The following USP14 variants were observed in gnomAD, a reference collection of about 807,000 sequenced individuals.
USP14 encodes the protein ubiquitin specific peptidase 14.
In USP14, 38 loss-of-function variants were observed where a neutral mutation model predicts 76.5. The observed-to-expected ratio is 0.50, with a 90% confidence interval of 0.38 to 0.65. The LOEUF is 0.65. USP14 is among the 30% of genes least tolerant of loss of function. USP14 has a pLI of 0.00. For synonymous variants in USP14, 192 were observed against 191.7 expected, an observed-to-expected ratio of 1.00 and a Z score of -0.01; for missense variants, 467 against 586.5, an observed-to-expected ratio of 0.80 and a Z score of 2.10.
chr18:207,218 G>C (rs374205732), intron 13 of USP14, among the ~76,000 whole-genome samples: 5 of 144,562 alleles, frequency 3.5e-5, no homozygotes, highest in African/African-American at 1.2e-4. Flanking sequence ...GATTACTGTA[G>C]TTTTCTAATA....
intron 6 of USP14, among the ~76,000 whole-genome samples, chr18:193,399 AC>A (rs1910145228): frequency 1.3e-5 from 2 of 152,204 alleles, no homozygotes; most frequent in South Asian, 4.1e-4. Flanking sequence ...ATAGGGTTTT[AC>A]AGCCATGCCT....
At chr18:170,023 T>G (rs1909398616) in intron 3 of USP14, among the ~76,000 whole-genome samples, 1 of 152,044 alleles carries the variant, frequency 6.6e-6, no homozygotes, top group South Asian at 2.1e-4. Flanking sequence ...CCCTACAGGC[T>G]GAGCGCGGTG....
chr18:199,973 C>T (rs542094163), intron 10 of USP14, among the ~76,000 whole-genome samples: 1 of 152,304 alleles, frequency 6.6e-6, no homozygotes, highest in South Asian at 2.1e-4. Flanking sequence ...CAAACTTCAA[C>T]TAGCTCTTCA....
At chr18:202,365 G>A (rs2143082824) in intron 10 of USP14, among the ~76,000 whole-genome samples, 1 of 152,328 alleles carries the variant, frequency 6.6e-6, no homozygotes, top group East Asian at 1.9e-4. Flanking sequence ...TGCTGGTTAA[G>A]ATATGTGCAG....
At chr18:168,907 T>A (rs1336003375) in intron 3 of USP14, among the ~76,000 whole-genome samples, 2 of 147,000 alleles carry the variant, frequency 1.4e-5, no homozygotes, top group Non-Finnish European at 3.0e-5. Context: ...CCGTCTCTAC[T>A]AAAAAAAAAA....
chr18:169,000 C>T (rs1454665790), intron 3 of USP14, among the ~76,000 whole-genome samples: 2 of 151,934 alleles, frequency 1.3e-5, no homozygotes. Context: ...TGGCATGAGC[C>T]TGGGAGGCAG....
rs1446916165 is a variant in USP14 at position 171,526 on chromosome 18, C to A, written c.195+4707C>A. Reference sequence around the variant, plus strand: ...ATTTTAAGGCCACCATTGAGACTTCCTGCTCAGAAAGATTCCTTTCAAAAT... The same window carrying A: ...ATTTTAAGGCCACCATTGAGACTTCATGCTCAGAAAGATTCCTTTCAAAAT... On this transcript the variant is annotated intron_variant, in intron 3 of 15. Transcript: ENST00000261601. Among the ~76,000 whole-genome samples, 6 of 152,300 alleles carry A rather than the reference C, an allele frequency of 3.9e-5. No individual in the cohort carries two copies. In the East Asian group the frequency reaches 1.2e-3, roughly 29 times the overall value.
At chr18:202,223 A>G (rs1910402392) in intron 10 of USP14, among the ~76,000 whole-genome samples, 1 of 152,236 alleles carries the variant, frequency 6.6e-6, no homozygotes. Flanking sequence ...CAGGTTTTCT[A>G]CATGTACTGA....
At chr18:171,025 A>AAAATATATATAT (rs1327304974) in intron 3 of USP14, among the ~76,000 whole-genome samples, 9 of 47,646 alleles carry the variant, frequency 1.9e-4, no homozygotes, top group African/African-American at 2.6e-4. Flanking sequence ...AAAAAAAAAA[A>AAAATATATATAT]ATATATATAT....
Position 158,564 on chromosome 18 carries a change from A to T in USP14, c.-135A>T. 1.2e-6 allele frequency: 1 copy of T among 853,716 alleles called. No homozygotes were observed. Among genetic ancestry groups the T allele is most frequent in the Non-Finnish European group, 1.7e-6 (1 of 571,672 alleles). The allele number at this position is 853,716 out of a possible 1,614,324, so 52.9% of individuals were successfully genotyped here. On this transcript the variant is annotated 5_prime_UTR_variant, in exon 1 of 16. Transcript: ENST00000261601. ...ATCGCCAGTGGCCGGTTTGAATGAG[A>T]CTCGTCGCACCGAAGCCGCCGCCAC...
Position 179,021 on chromosome 18 carries a change from A to G in USP14, c.284A>G (p.Glu95Gly). 1 of 1,610,060 alleles carries G rather than the reference A, an allele frequency of 6.2e-7. No individual in the cohort carries two copies. Among genetic ancestry groups the G allele is most frequent in the Non-Finnish European group, 8.5e-7 (1 of 1,178,736 alleles). ...KTVFVEDMTE[E>G]QLASAMELPC... ...GTCTTCGTAGAAGACATGACAGAAG[A>G]ACAGTTAGCATCTGCTGTAAGACAC... Residue 95 changes from glutamate (E) to glycine (G), a missense_variant, in exon 4 of 16, where the codon GAA becomes GGA. Physicochemically the swap from Glu to Gly is moderately conservative, Grantham distance 98 (BLOSUM62 -2). Coordinates refer to ENST00000261601, the MANE Select transcript of USP14 (RefSeq NM_005151.4).
Position 198,260 on chromosome 18 carries a change from G to A in USP14, c.761+128G>A, listed in dbSNP as rs544483544. ...TTCAGAGGTTTTTTTTCTTTGAGAC[G>A]GAGTTTCGCTCTTGTCGCCCAGGCT... On this transcript the variant is annotated intron_variant, in intron 9 of 15. Coordinates refer to ENST00000261601, the MANE Select transcript of USP14 (RefSeq NM_005151.4). 6.2e-5 allele frequency: 48 copies of A among 774,612 alleles called. No individual in the cohort carries two copies. In the Middle Eastern group the frequency reaches 8.6e-4, roughly 14 times the overall value. 48.0% of individuals were successfully genotyped at this position (774,612 alleles called of 1,614,324 possible).
chr18:209,648 G>T (rs376567022), intron 13 of USP14, among the ~76,000 whole-genome samples: 16 of 152,252 alleles, frequency 1.1e-4, no homozygotes, highest in African/African-American at 3.1e-4. Context: ...TGGGGAATTG[G>T]GTTTTTCCTT....
intron 5 of USP14, among the ~76,000 whole-genome samples, chr18:188,939 A>G (rs566693): frequency 6.6e-6 from 1 of 152,170 alleles, no homozygotes; most frequent in Non-Finnish European, 1.5e-5. Context: ...TTGGCCTCCC[A>G]AAGTGCTGGG....
In USP14 at chr18:196,702, C is replaced by A. The variant is rs1384616245; in HGVS notation, c.529C>A (p.Gln177Lys). 2.5e-6 allele frequency: 4 copies of A among 1,613,870 alleles called. No homozygotes were observed. The African/African-American group carries it at 4.0e-5, about 16-fold the overall frequency. The change falls in exon 7 of 16, where the codon CAG (glutamine) becomes AAG (lysine). Residue 177 changes from glutamine to lysine, a missense_variant. Coordinates refer to ENST00000261601, the MANE Select transcript of USP14 (RefSeq NM_005151.4). ...CAGTATTCCACCTATTATTCTACTGCAGTTTTTGCACATGGCTTTCCCACA... is the reference window on the plus strand; with the variant it reads ...CAGTATTCCACCTATTATTCTACTGAAGTTTTTGCACATGGCTTTCCCACA... ...SSSIPPIILLQFLHMAFPQFA... is the reference protein window; with the variant it reads ...SSSIPPIILLKFLHMAFPQFA...
At chr18:159,697 C>G (rs1447729970) in intron 1 of USP14, among the ~76,000 whole-genome samples, 1 of 152,178 alleles carries the variant, frequency 6.6e-6, no homozygotes, top group East Asian at 1.9e-4. Context: ...AAAGCCATAA[C>G]AACAGTAGAA....
At chr18:189,941 C>T (rs918250598) in intron 5 of USP14, among the ~76,000 whole-genome samples, 1 of 152,254 alleles carries the variant, frequency 6.6e-6, no homozygotes, top group Admixed American at 6.5e-5. Flanking sequence ...TCACTAACAC[C>T]GTTTATGTTT....
intron 13 of USP14, among the ~76,000 whole-genome samples, chr18:207,631 A>G (rs1302743326): frequency 6.7e-6 from 1 of 149,792 alleles, no homozygotes; most frequent in Non-Finnish European, 1.5e-5. Context: ...GTGAGCCAAA[A>G]TGGTGCCACT....
rs576261889 is a variant in USP14, at chr18:195,637, G to C, written c.464-1000G>C. Among the ~76,000 whole-genome samples the C allele has an allele frequency of 2.6e-4, 39 of 152,310 alleles. 1 individual carries two copies. The South Asian group carries it at 7.9e-3, about 31-fold the overall frequency. On this transcript the variant is annotated intron_variant, in intron 6 of 15. Transcript: ENST00000261601. ...GTTTTCTGAAGAAGGTAAATTCTTA[G>C]TAGTTTTGGTTCTTAGCTGTCCAGT... is the stretch of plus-strand genomic sequence containing the variant.
Sources: gnomAD v4.1 joint callset for allele counts (sites outside exome capture counted in the v4.1 genomes callset) on GRCh38, gnomAD v4.1.1 for gene constraint, MANE v1.5 for transcripts, NCBI Gene and HGNC (gene_info 2026-07-23, HGNC 2026-07-21) for gene names.